ARNT2: variants seen among roughly 807,000 people sequenced by gnomAD.
The protein encoded by ARNT2 is ARNT protein 2.
Under a neutral mutation model 91.7 loss-of-function variants are expected in ARNT2, and 36 were observed. That is an observed-to-expected ratio of 0.39 (90% CI 0.30 to 0.52). The LOEUF (loss-of-function observed/expected upper bound fraction) is 0.52, where lower values mean the gene tolerates loss of function less well. Ranked by LOEUF, ARNT2 falls within the 20% of genes least tolerant of loss-of-function variation. The pLI, the probability that ARNT2 is intolerant of heterozygous loss-of-function variation, is 0.72. For missense variants in ARNT2, 775 were observed against 939.3 expected (o/e 0.83, Z 2.29); for synonymous variants, 365 against 347.1 (o/e 1.05, Z -0.57).
At chr15:80,494,514 A>C (rs939568559) in intron 5 of ARNT2, among the ~76,000 whole-genome samples, 5 of 152,198 alleles carry the variant, frequency 3.3e-5, no homozygotes, top group African/African-American at 1.2e-4. Context: ...TCTTTAAATC[A>C]CACTTCAGCA....
At chr15:80,555,377 A>G (rs905339671) in intron 11 of ARNT2, 1 of 487,996 alleles carries the variant, frequency 2.0e-6, no homozygotes, top group Non-Finnish European at 3.7e-6. Flanking sequence ...AAAACATTGC[A>G]GAGCACAGAG....
intron 5 of ARNT2, among the ~76,000 whole-genome samples, chr15:80,502,264 G>A (rs978576198): frequency 5.9e-5 from 9 of 152,326 alleles, no homozygotes; most frequent in East Asian, 1.9e-4. Context: ...ATAGATGCCC[G>A]CAAGTTCCCA....
At chr15:80,417,472 G>A (rs1247086270) in intron 1 of ARNT2, among the ~76,000 whole-genome samples, 3 of 152,062 alleles carry the variant, frequency 2.0e-5, no homozygotes, top group East Asian at 1.9e-4. Flanking sequence ...GAAACTTGCC[G>A]AATTTTCCAT....
At position 80,575,114 on chromosome 15, in the gene ARNT2, A is replaced by T; in HGVS notation, c.1513+4A>T. The T allele has an allele frequency of 6.2e-7, 1 of 1,613,994 alleles. No homozygotes were observed. The highest frequency in any genetic ancestry group is 8.5e-7 in the Non-Finnish European group (1 of 1,179,868). On this transcript the variant is annotated splice_donor_region_variant and intron_variant, in intron 14 of 18. Coordinates refer to ENST00000303329, the MANE Select transcript of ARNT2 (RefSeq NM_014862.4). ...ATGTTTGCAGGAATTAGTGCATGTA[A>T]GTTTCCAAATGGTACTGAGGTTTTG... is the stretch of plus-strand genomic sequence containing the variant.
At chr15:80,517,785 A>G (rs1372550351) in intron 8 of ARNT2, among the ~76,000 whole-genome samples, 1 of 152,122 alleles carries the variant, frequency 6.6e-6, no homozygotes, top group Non-Finnish European at 1.5e-5. Flanking sequence ...TTTACTGATG[A>G]GTCTACCAAA....
chr15:80,409,130 G>A (rs1438673328), intron 1 of ARNT2, among the ~76,000 whole-genome samples: 3 of 152,188 alleles, frequency 2.0e-5, no homozygotes, highest in Non-Finnish European at 2.9e-5. Flanking sequence ...ATGGTTGGTA[G>A]ACGTTCTATG....
chr15:80,412,031 C>G (rs1595951394), intron 1 of ARNT2, among the ~76,000 whole-genome samples: 1 of 152,170 alleles, frequency 6.6e-6, no homozygotes. Context: ...ATTCAGCCAC[C>G]CCAACAGCAT....
chr15:80,557,191 C>T (rs532987735), intron 11 of ARNT2, among the ~76,000 whole-genome samples: 10 of 152,274 alleles, frequency 6.6e-5, no homozygotes, highest in African/African-American at 2.2e-4. Flanking sequence ...CCTCCCTGCA[C>T]ACTCTGCTCC....
intron 5 of ARNT2, among the ~76,000 whole-genome samples, chr15:80,492,169 T>G (rs1897066381): frequency 1.3e-5 from 2 of 152,018 alleles, no homozygotes; most frequent in South Asian, 4.2e-4. Context: ...GCCTCCTGAG[T>G]AATTGGGACT....
At chr15:80,590,772 C>T (rs1893261787) in intron 17 of ARNT2, among the ~76,000 whole-genome samples, 1 of 152,284 alleles carries the variant, frequency 6.6e-6, no homozygotes, top group South Asian at 2.1e-4. Context: ...ACTTATGTTT[C>T]CTATTTTTTG....
chr15:80,573,319 A>G (rs1412581994), intron 12 of ARNT2, among the ~76,000 whole-genome samples: 1 of 152,158 alleles, frequency 6.6e-6, no homozygotes, highest in Non-Finnish European at 1.5e-5. Context: ...CAGTACATGT[A>G]TATTTGTCCT....
intron 1 of ARNT2, among the ~76,000 whole-genome samples, chr15:80,435,485 G>C (rs1268869622): frequency 6.6e-6 from 1 of 152,138 alleles, no homozygotes; most frequent in Non-Finnish European, 1.5e-5. Flanking sequence ...CCTGGGCCCT[G>C]GTCCTCCCTT....
At chr15:80,459,005 C>T (rs1374240491) in intron 3 of ARNT2, among the ~76,000 whole-genome samples, 2 of 152,170 alleles carry the variant, frequency 1.3e-5, no homozygotes, top group Non-Finnish European at 2.9e-5. Flanking sequence ...TCATGGTAGC[C>T]ATTTTTGGTG....
intron 1 of ARNT2, among the ~76,000 whole-genome samples, chr15:80,438,430 T>C (rs1896127190): frequency 6.6e-6 from 1 of 152,188 alleles, no homozygotes; most frequent in Non-Finnish European, 1.5e-5. Flanking sequence ...TTTGTCCTTA[T>C]AAAGATATGA....
intron 5 of ARNT2, among the ~76,000 whole-genome samples, chr15:80,504,650 C>A (rs117880161): frequency 0.075 from 11,474 of 152,080 alleles, 460 homozygotes; most frequent in Middle Eastern, 0.13. Context: ...CGTCTGTAGT[C>A]CCAGCTACTT....
intron 5 of ARNT2, among the ~76,000 whole-genome samples, chr15:80,498,114 C>T (rs1288373600): frequency 6.6e-6 from 1 of 152,158 alleles, no homozygotes; most frequent in African/African-American, 2.4e-5. Flanking sequence ...TCTGACTCTA[C>T]CTGAGGGTTA....
chr15:80,565,885 G>A (rs1249423295), intron 12 of ARNT2, among the ~76,000 whole-genome samples: 1 of 151,212 alleles, frequency 6.6e-6, no homozygotes, highest in Non-Finnish European at 1.5e-5. Flanking sequence ...TTTTTTCTGT[G>A]CAGAAGCTCT....
intron 1 of ARNT2, among the ~76,000 whole-genome samples, chr15:80,407,020 A>T (rs1895610408): frequency 6.6e-6 from 1 of 152,150 alleles, no homozygotes; most frequent in Admixed American, 6.5e-5. Flanking sequence ...ATGGTACCCA[A>T]GCTTGTCACC....
chr15:80,420,052 G>A (rs902784097), intron 1 of ARNT2, among the ~76,000 whole-genome samples: 4 of 152,072 alleles, frequency 2.6e-5, no homozygotes, highest in East Asian at 1.9e-4. Context: ...AGCCATCCAC[G>A]TATGTCTTTG....
Sources: allele counts gnomAD v4.1 joint callset (sites outside exome capture counted in the v4.1 genomes callset), GRCh38; gene constraint gnomAD v4.1.1; transcripts MANE v1.5; gene names NCBI Gene and HGNC (gene_info 2026-07-23, HGNC 2026-07-21).